The following HTR3D variants were observed in gnomAD, a reference collection of about 807,000 sequenced individuals.
The protein encoded by HTR3D is 5-hydroxytryptamine receptor 3D.
Under a neutral mutation model 45.8 loss-of-function variants are expected in HTR3D, and 47 were observed. The observed-to-expected ratio is 1.03, with a 90% CI of 0.81 to 1.31. HTR3D has a LOEUF of 1.31. HTR3D is among the 50% of genes most tolerant of loss of function. HTR3D has a pLI of 0.00. For missense variants in HTR3D, 448 were observed against 506.9 expected (o/e 0.88, Z 1.12); for synonymous variants, 203 against 199.8 (o/e 1.02, Z -0.13).
chr3:184,039,309 C>G lies in HTR3D; in HGVS notation c.*334C>G. 1 of 218,480 alleles carries G rather than the reference C, an allele frequency of 4.6e-6. No homozygotes were observed. Among genetic ancestry groups the G allele is most frequent in the Non-Finnish European group, 8.9e-6 (1 of 112,708 alleles). The allele number at this position is 218,480 out of a possible 1,614,324, so 13.5% of individuals were successfully genotyped here. A position where few individuals can be genotyped will look rare whatever the true frequency, so the allele number is the denominator to read the frequency against. On this transcript the variant is annotated 3_prime_UTR_variant, in exon 8 of 8. Coordinates refer to ENST00000428798, the MANE Select transcript of HTR3D (RefSeq NM_001145143.1). ...TGAATTCTGTTATGGTAAAAAAAAT[C>G]TTGGGATTGAGAGTCTTCTTGCAGA...
In HTR3D at chr3:184,038,274, G is replaced by C. The variant is rs200751121; in HGVS notation, c.769+1G>C. ...CATCCATCAAGAGACCAAAAGCGAG[G>C]TGTGTGTTGGATGGGGAGAGGGATG... On this transcript the variant is annotated splice_donor_variant, in intron 6 of 7. Coordinates refer to ENST00000428798, the MANE Select transcript of HTR3D (RefSeq NM_001145143.1). LOFTEE classifies it high-confidence loss of function. This position sits in a 1 kb window ranked among gnomAD's most constrained non-coding sequence, Gnocchi z 4.5. The C allele has an allele frequency of 1.2e-5, 19 of 1,613,824 alleles. No individual in the cohort carries two copies. Among genetic ancestry groups the C allele is most frequent in the Non-Finnish European group, 1.4e-5 (16 of 1,179,880 alleles).
chr3:184,038,306 AC>A lies in HTR3D; in HGVS notation c.769+35del. Reference sequence around the variant, plus strand: ...TTGGATGGGGAGAGGGATGGGCAGAACCAGGCGAAGTGAAAAGGGATCCTGG... The same window carrying A: ...TTGGATGGGGAGAGGGATGGGCAGAACAGGCGAAGTGAAAAGGGATCCTGG... On this transcript the variant is annotated intron_variant, in intron 6 of 7. Coordinates refer to ENST00000428798, the MANE Select transcript of HTR3D (RefSeq NM_001145143.1). The surrounding 1 kb of genome is among the most constrained non-coding windows in gnomAD (Gnocchi z 4.5). The A allele has an allele frequency of 6.2e-7, 1 of 1,612,734 alleles. No homozygotes were observed. The highest frequency in any genetic ancestry group is 8.5e-7 in the Non-Finnish European group (1 of 1,178,828).
Position 184,038,279 on chromosome 3 carries a change from T to G in HTR3D, c.769+6T>G, listed in dbSNP as rs759132153. On this transcript the variant is annotated splice_donor_region_variant and intron_variant, in intron 6 of 7. Coordinates refer to ENST00000428798, the MANE Select transcript of HTR3D (RefSeq NM_001145143.1). This position sits in a 1 kb window ranked among gnomAD's most constrained non-coding sequence, Gnocchi z 4.5. Reference sequence around the variant, plus strand: ...ATCAAGAGACCAAAAGCGAGGTGTGTGTTGGATGGGGAGAGGGATGGGCAG... The same window carrying G: ...ATCAAGAGACCAAAAGCGAGGTGTGGGTTGGATGGGGAGAGGGATGGGCAG... 1 of 1,613,516 alleles carries G rather than the reference T, an allele frequency of 6.2e-7. No homozygotes were observed. Among genetic ancestry groups the G allele is most frequent in the South Asian group, 1.1e-5 (1 of 91,076 alleles).
chr3:184,033,199 C>T (rs540633313), intron 1 of HTR3D: 4 of 623,478 alleles, frequency 6.4e-6, no homozygotes, highest in Non-Finnish European at 8.2e-6. Flanking sequence ...CAGCTCACTG[C>T]AACCTCTGCC....
At chr3:184,037,488 G>C (rs1722942577) in intron 5 of HTR3D, among the ~76,000 whole-genome samples, 1 of 152,148 alleles carries the variant, frequency 6.6e-6, no homozygotes, top group Non-Finnish European at 1.5e-5. Context: ...TTCCCCAATG[G>C]CTGTCAGAAC....
At chr3:184,032,835 A>G in intron 1 of HTR3D, 1 of 1,551,308 alleles carries the variant, frequency 6.4e-7, no homozygotes, top group Non-Finnish European at 8.7e-7. Flanking sequence ...CTCTCCATGC[A>G]GAAACACTCT....
At chr3:184,031,552 A>G (rs1412040817), upstream of HTR3D, 4 of 548,672 alleles carry the variant, frequency 7.3e-6, no homozygotes, top group Non-Finnish European at 1.3e-5. Flanking sequence ...GGCTAGATTC[A>G]GGCCCAGTTA....
Position 184,039,045 on chromosome 3 carries a change from C to CTAATG in HTR3D, c.*71_*72insAATGT. The CTAATG allele has an allele frequency of 7.3e-7, 1 of 1,362,526 alleles. No homozygotes were observed. 84.4% of individuals were successfully genotyped at this position (1,362,526 alleles called of 1,614,324 possible). ...GAGAACTCCAGAAACCAGTCAGGCT[C>CTAATG]TCAGTCAGCCTTGTGGCCCTGTCAA... On this transcript the variant is annotated 3_prime_UTR_variant, in exon 8 of 8. Transcript: ENST00000428798.
In HTR3D at chr3:184,039,256, C is replaced by A; in HGVS notation, c.*281C>A. The A allele has an allele frequency of 2.9e-6, 1 of 345,616 alleles. No homozygotes were observed. Among genetic ancestry groups the A allele is most frequent in the Non-Finnish European group, 5.2e-6 (1 of 192,406 alleles). The allele number at this position is 345,616 out of a possible 1,614,324, so 21.4% of individuals were successfully genotyped here. ...CCTTGATTAAATCACCCCAATATGC[C>A]CCTTTGCAGAAAGTATTGGCTTTTC... is the stretch of plus-strand genomic sequence containing the variant. On this transcript the variant is annotated 3_prime_UTR_variant, in exon 8 of 8. Coordinates refer to ENST00000428798, the MANE Select transcript of HTR3D (RefSeq NM_001145143.1).
upstream of HTR3D, chr3:184,031,620 G>A: frequency 1.5e-6 from 1 of 660,302 alleles, no homozygotes; most frequent in Non-Finnish European, 2.7e-6. Context: ...GGTCTTGTTA[G>A]AGAGGCGGTT....
Position 184,033,107 on chromosome 3 carries a change from C to T in HTR3D, c.66+1300C>T, listed in dbSNP as rs754118694. ...CAGTGGTCTAGTGGTGAGCAGTGGA[C>T]CCTCTGACTGGATTTTTTTTTTTTT... On this transcript the variant is annotated intron_variant, in intron 1 of 7. Coordinates refer to ENST00000428798, the MANE Select transcript of HTR3D (RefSeq NM_001145143.1). 18 of 1,339,978 alleles carry T rather than the reference C, an allele frequency of 1.3e-5. No individual in the cohort carries two copies. In the South Asian group the frequency reaches 2.1e-4, roughly 16 times the overall value. 83.0% of individuals were successfully genotyped at this position (1,339,978 alleles called of 1,614,324 possible).
intron 1 of HTR3D, chr3:184,034,907 G>A (rs560978918): frequency 5.5e-5 from 29 of 522,992 alleles, no homozygotes; most frequent in Middle Eastern, 5.4e-4. Context: ...AGAAAGGCAT[G>A]ATAAGAAATG....
chr3:184,035,582 G>A (rs1247607330), intron 2 of HTR3D, among the ~76,000 whole-genome samples: 1 of 152,010 alleles, frequency 6.6e-6, no homozygotes, highest in African/African-American at 2.4e-5. Context: ...TGAAGAAATG[G>A]GCGAAAAAAG....
In HTR3D at chr3:184,039,045, C is replaced by CATG. The variant is rs1560076444; in HGVS notation, c.*70_*71insATG. 4.5e-5 allele frequency: 61 copies of CATG among 1,362,482 alleles called. No homozygotes were observed. The African/African-American group carries it at 1.2e-3, about 26-fold the overall frequency. The allele number at this position is 1,362,482 out of a possible 1,614,324, so 84.4% of individuals were successfully genotyped here. Reference sequence around the variant, plus strand: ...GAGAACTCCAGAAACCAGTCAGGCTCTCAGTCAGCCTTGTGGCCCTGTCAA... The same window carrying CATG: ...GAGAACTCCAGAAACCAGTCAGGCTCATGTCAGTCAGCCTTGTGGCCCTGTCAA... On this transcript the variant is annotated 3_prime_UTR_variant, in exon 8 of 8. Coordinates refer to ENST00000428798, the MANE Select transcript of HTR3D (RefSeq NM_001145143.1).
chr3:184,036,658 C>G, intron 4 of HTR3D, 90 bp from the exon 5 acceptor site: 2 of 1,570,960 alleles, frequency 1.3e-6, no homozygotes, highest in South Asian at 2.3e-5. Flanking sequence ...GGAAGCTAAG[C>G]AGTGAGGGAT....
Position 184,038,446 on chromosome 3 carries a change from C to T in HTR3D, c.807C>T (p.Gly269=). ...CCCTGTGCCTGTCCCTGATGGTGGG[C>T]AGCCTGCTGGAGACCATCTTCATCA... ...YFALCLSLMV[G]SLLETIFITH... is the part of the protein sequence containing the mutation. Residue 269 remains glycine, a synonymous_variant, in exon 7 of 8, where the codon GGC becomes GGT. Transcript: ENST00000428798. This position sits in a 1 kb window ranked among gnomAD's most constrained non-coding sequence, Gnocchi z 4.5. 3.7e-6 allele frequency: 6 copies of T among 1,614,152 alleles called. No homozygotes were observed. The highest frequency in any genetic ancestry group is 5.1e-6 in the Non-Finnish European group (6 of 1,180,018).
At chr3:184,036,682 C>A in intron 4 of HTR3D, 66 bp from the exon 5 acceptor site, 1 of 1,560,392 alleles carries the variant, frequency 6.4e-7, no homozygotes, top group East Asian at 2.4e-5. Flanking sequence ...ACAGTCTGGG[C>A]AAGGGACTTG....
Position 184,038,987 on chromosome 3 carries a change from C to T in HTR3D, c.*12C>T. 6.2e-7 allele frequency: 1 copy of T among 1,613,374 alleles called. No individual in the cohort carries two copies. Among genetic ancestry groups the T allele is most frequent in the Non-Finnish European group, 8.5e-7 (1 of 1,179,488 alleles). ...TCTGGAACACCTAGGCAGGTGCTCA[C>T]CTGCAAACTTCAGTCTGGACTTCTT... On this transcript the variant is annotated 3_prime_UTR_variant, in exon 8 of 8. Transcript: ENST00000428798. The surrounding 1 kb of genome is among the most constrained non-coding windows in gnomAD (Gnocchi z 4.5).
intron 1 of HTR3D, among the ~76,000 whole-genome samples, chr3:184,032,379 C>A (rs1302294371): frequency 6.6e-6 from 1 of 152,210 alleles, no homozygotes; most frequent in East Asian, 1.9e-4. Context: ...AGTAAATACT[C>A]ATCAAATTGA....
Sources: gnomAD v4.1 joint callset for allele counts (sites outside exome capture counted in the v4.1 genomes callset) on GRCh38, gnomAD v4.1.1 for gene constraint, Gnocchi (gnomAD v3.1) non-coding constraint, MANE v1.5 for transcripts, NCBI Gene and HGNC (gene_info 2026-07-23, HGNC 2026-07-21) for gene names.